Variants in TMEM94 observed in about 807,000 individuals in gnomAD.
TMEM94 encodes ER Mg2+ ATPase.
A neutral mutation model predicts 158.6 loss-of-function variants in TMEM94; 81 were observed. That is an observed-to-expected ratio of 0.51 (90% confidence interval 0.43 to 0.61). The LOEUF (loss-of-function observed/expected upper bound fraction) is 0.61. Among genes scored for constraint, TMEM94 ranks in the 20% least tolerant of loss-of-function variants. TMEM94 has a pLI of 0.00. For missense variants in TMEM94, 1,435 were observed against 1,762.0 expected (o/e 0.81, Z 3.32); for synonymous variants, 751 against 730.7 (o/e 1.03, Z -0.45).
At chr17:75,478,824 G>A (rs1383654407) in intron 2 of TMEM94, among the ~76,000 whole-genome samples, 2 of 152,194 alleles carry the variant, frequency 1.3e-5, no homozygotes, top group East Asian at 1.9e-4. Context: ...CTTCCCCTTG[G>A]TGTGGTGGGA....
intron 1 of TMEM94, among the ~76,000 whole-genome samples, chr17:75,459,298 C>G (rs950518983): frequency 6.6e-6 from 1 of 152,204 alleles, no homozygotes; most frequent in Admixed American, 6.5e-5. Context: ...TCTTCATCAT[C>G]AGCCCCCAAA....
In TMEM94 at chr17:75,494,794, G is replaced by C. The variant is rs1213494009; in HGVS notation, c.2575G>C (p.Glu859Gln). The C allele has an allele frequency of 6.2e-7, 1 of 1,613,620 alleles. No individual in the cohort carries two copies. Among genetic ancestry groups the C allele is most frequent in the Non-Finnish European group, 8.5e-7 (1 of 1,180,014 alleles). The change falls in exon 19 of 32, where the codon GAG becomes CAG. Residue 859 changes from glutamate to glutamine, a missense_variant. Glu to Gln is a conservative substitution (Grantham distance 29, BLOSUM62 2). Coordinates refer to ENST00000314256, the MANE Select transcript of TMEM94 (RefSeq NM_014738.6). ...IRFVYFSLED[E>Q]LKSKVFAEKM... ...CTTTGTCTACTTCTCTTTGGAGGATGAGCTCAAAAGCAAGGTGGGGAGAGC... is the reference window on the plus strand; with the variant it reads ...CTTTGTCTACTTCTCTTTGGAGGATCAGCTCAAAAGCAAGGTGGGGAGAGC...
intron 1 of TMEM94, among the ~76,000 whole-genome samples, chr17:75,459,178 T>TA (rs1345210228): frequency 6.6e-6 from 1 of 152,246 alleles, no homozygotes; most frequent in Non-Finnish European, 1.5e-5. Context: ...GCTGCTATGT[T>TA]AGCTCTAACT....
At chr17:75,469,928 C>G (rs574929765) in intron 1 of TMEM94, among the ~76,000 whole-genome samples, 7 of 152,048 alleles carry the variant, frequency 4.6e-5, no homozygotes, top group Non-Finnish European at 8.8e-5. Flanking sequence ...CAAAAATTAG[C>G]TGGGCGTGGT....
intron 2 of TMEM94, chr17:75,476,582 C>A: frequency 6.7e-7 from 1 of 1,493,098 alleles, no homozygotes; most frequent in Admixed American, 2.1e-5. Flanking sequence ...TCTCAGCTGT[C>A]TCCGTCTCTT....
chr17:75,498,852 G>C lies in TMEM94; in HGVS notation c.3828-60G>C. The C allele has an allele frequency of 6.6e-7, 1 of 1,523,094 alleles. No individual in the cohort carries two copies. Among genetic ancestry groups the C allele is most frequent in the African/African-American group, 1.4e-5 (1 of 72,516 alleles). 94.3% of individuals were successfully genotyped at this position (1,523,094 alleles called of 1,614,324 possible). Reference sequence around the variant, plus strand: ...CCTGCCTGAGCTAACTGTTGTACTGGGAAGAGCAGGGAAGGAAGCAAGCAG... The same window carrying C: ...CCTGCCTGAGCTAACTGTTGTACTGCGAAGAGCAGGGAAGGAAGCAAGCAG... On this transcript the variant is annotated intron_variant, in intron 30 of 31. Transcript: ENST00000314256. The surrounding 1 kb of genome is among the most constrained non-coding windows in gnomAD (Gnocchi z 6.7).
chr17:75,495,345 C>T lies in TMEM94; in HGVS notation c.2790C>T (p.Ile930=). 1 of 1,613,954 alleles carries T rather than the reference C, an allele frequency of 6.2e-7. No individual in the cohort carries two copies. Among genetic ancestry groups the T allele is most frequent in the Non-Finnish European group, 8.5e-7 (1 of 1,179,996 alleles). Residue 930 remains isoleucine, a synonymous_variant, in exon 21 of 32, where the codon ATC becomes ATT. Transcript: ENST00000314256. The surrounding 1 kb of genome is among the most constrained non-coding windows in gnomAD (Gnocchi z 5.6). ...AGGAGGAGGGCCACTCGGACCTCAT[C>T]AGCTTCCAGCCTACGGACAGCGACA... The part of the protein sequence containing the change: ...LMEEEGHSDL[I]SFQPTDSDIP...
intron 2 of TMEM94, among the ~76,000 whole-genome samples, chr17:75,483,904 C>T (rs1465622194): frequency 6.6e-6 from 1 of 152,124 alleles, no homozygotes; most frequent in Non-Finnish European, 1.5e-5. Flanking sequence ...GACTCTGTGA[C>T]TGTGGATGAG....
At chr17:75,465,850 A>G (rs183626187) in intron 1 of TMEM94, among the ~76,000 whole-genome samples, 1 of 151,684 alleles carries the variant, frequency 6.6e-6, no homozygotes, top group Admixed American at 6.6e-5. Context: ...CAATTTTTTT[A>G]TGGCATATTT....
At position 75,494,986 on chromosome 17, in the gene TMEM94, C is replaced by A. The variant is rs754593698; in HGVS notation, c.2680C>A (p.Pro894Thr). 1 of 1,613,430 alleles carries A rather than the reference C, an allele frequency of 6.2e-7. No homozygotes were observed. The highest frequency in any genetic ancestry group is 1.1e-5 in the South Asian group (1 of 91,076). ...TGACATGCCTGGCTCCGAGATCCCC[C>A]CCTCCAGCCCCAGCCACGCAGGCTC... Reference protein sequence around the residue: ...NGDMPGSEIPPSSPSHAGSLH... With the variant: ...NGDMPGSEIPTSSPSHAGSLH... Residue 894 changes from proline to threonine, a missense_variant, in exon 20 of 32, where the codon CCC becomes ACC. Transcript: ENST00000314256.
intron 1 of TMEM94, among the ~76,000 whole-genome samples, chr17:75,469,154 A>G (rs1333493341): frequency 6.6e-6 from 1 of 152,068 alleles, no homozygotes; most frequent in Non-Finnish European, 1.5e-5. Flanking sequence ...CACTGCACTC[A>G]ACCACGTGAG....
At chr17:75,496,981 C>A in intron 25 of TMEM94, 132 bp from the exon 26 acceptor site, 1 of 1,004,992 alleles carries the variant, frequency 1.0e-6, no homozygotes, top group Middle Eastern at 2.2e-4. Flanking sequence ...GAAGAGTATT[C>A]CCTCCGGCCC....
At chr17:75,471,707 C>G (rs2050510229) in intron 1 of TMEM94, 93 bp from the exon 2 acceptor site, 1 of 531,756 alleles carries the variant, frequency 1.9e-6, no homozygotes, top group Non-Finnish European at 3.4e-6. Flanking sequence ...GAGTGAGACT[C>G]CGTCTCAAAA....
chr17:75,469,968 G>T lies in TMEM94; in HGVS notation c.-106-1832G>T, dbSNP rs1246911157. On this transcript the variant is annotated intron_variant, in intron 1 of 31. Transcript: ENST00000314256. ...CATGCCTGTAATCCCAGCTACTCAG[G>T]AGTCTGAGGCAGGAGAATCGCTTGA... 2.0e-5 allele frequency among the ~76,000 whole-genome samples: 3 copies of T among 151,890 alleles called. No homozygotes were observed. In the East Asian group the frequency reaches 5.9e-4, roughly 30 times the overall value.
intron 2 of TMEM94, among the ~76,000 whole-genome samples, chr17:75,473,139 T>C (rs1174185934): frequency 1.3e-5 from 2 of 152,160 alleles, no homozygotes; most frequent in African/African-American, 4.8e-5. Context: ...GTGGGTTCAC[T>C]CCCTGGGCCT....
At chr17:75,477,189 T>G (rs1598344295) in intron 2 of TMEM94, among the ~76,000 whole-genome samples, 1 of 151,126 alleles carries the variant, frequency 6.6e-6, no homozygotes, top group African/African-American at 2.4e-5. Flanking sequence ...CTACAGGAGG[T>G]GGGGAAGAAT....
Position 75,495,395 on chromosome 17 carries a change from A to G in TMEM94, c.2840A>G (p.Asn947Ser). 1 of 1,613,182 alleles carries G rather than the reference A, an allele frequency of 6.2e-7. No individual in the cohort carries two copies. The highest frequency in any genetic ancestry group is 8.5e-7 in the Non-Finnish European group (1 of 1,179,372). Residue 947 changes from asparagine (N) to serine (S), a missense_variant, in exon 21 of 32, where the codon AAC (asparagine) becomes AGC (serine). Physicochemically the swap from Asn to Ser is conservative, Grantham distance 46. Coordinates refer to ENST00000314256, the MANE Select transcript of TMEM94 (RefSeq NM_014738.6). This position sits in a 1 kb window ranked among gnomAD's most constrained non-coding sequence, Gnocchi z 5.6. ...ATCCCCAGCTTCCTGGAGGACTCCA[A>G]CCGGGTACGATGGCAGGATCTGTCT... ...SDIPSFLEDS[N>S]RAKLPRGIHQ... is the part of the protein sequence containing the mutation.
At chr17:75,471,759 G>T in intron 1 of TMEM94, 41 bp from the exon 2 acceptor site, 1 of 758,882 alleles carries the variant, frequency 1.3e-6, no homozygotes. Flanking sequence ...GTAGCTGCCT[G>T]TTCCAGCAAC....
chr17:75,468,566 C>T (rs2050387588), intron 1 of TMEM94, among the ~76,000 whole-genome samples: 1 of 152,156 alleles, frequency 6.6e-6, no homozygotes. Context: ...TTTCAGTTGG[C>T]GACCAAAGAC....
Sources: allele counts gnomAD v4.1 joint callset (sites outside exome capture counted in the v4.1 genomes callset), GRCh38; gene constraint gnomAD v4.1.1; non-coding constraint Gnocchi (gnomAD v3.1); transcripts MANE v1.5; gene names NCBI Gene and HGNC (gene_info 2026-07-23, HGNC 2026-07-21).